The following COPB1 variants were observed in gnomAD, a reference collection of about 807,000 sequenced individuals.
COPB1 encodes coatomer subunit beta.
A neutral mutation model predicts 108.7 loss-of-function variants in COPB1; 21 were observed. The observed-to-expected ratio is 0.19, with a 90% CI of 0.14 to 0.28. The LOEUF is 0.28. Among genes scored for constraint, COPB1 ranks in the 10% least tolerant of loss-of-function variants. The probability of loss-of-function intolerance (pLI) is 1.00; values close to 1 mark genes in which losing one functional copy is unlikely to be tolerated. For synonymous variants in COPB1, 378 were observed against 386.8 expected, an observed-to-expected ratio of 0.98 and a Z score of 0.27; for missense variants, 919 against 1,141.3, an observed-to-expected ratio of 0.81 and a Z score of 2.81.
chr11:14,457,901 G>A lies in COPB1; in HGVS notation c.2803-18C>T. The A allele has an allele frequency of 1.4e-6, 2 of 1,469,432 alleles. No homozygotes were observed. The highest frequency in any genetic ancestry group is 9.3e-7 in the Non-Finnish European group (1 of 1,071,334). The allele number at this position is 1,469,432 out of a possible 1,614,324, so 91.0% of individuals were successfully genotyped here. ...GCCATTCCCTGTAAAGAAAAATTAA[G>A]ATATTTATAATTATTTAAACTATGT... On this transcript the variant is annotated intron_variant, in intron 21 of 21. Transcript: ENST00000439561.
At position 14,498,950 on chromosome 11, in the gene COPB1, C is replaced by CAGA; in HGVS notation, c.-23_-22insTCT. On this transcript the variant is annotated 5_prime_UTR_variant, in exon 2 of 22. Coordinates refer to ENST00000439561, the MANE Select transcript of COPB1 (RefSeq NM_001144061.2). The stretch of plus-strand genomic sequence containing the variant: ...TCATGGTTTCTGGTTATATTATAAC[C>CAGA]AATCCTTGACACAAGATTTAAGGAT... 1 of 1,565,856 alleles carries CAGA rather than the reference C, an allele frequency of 6.4e-7. No individual in the cohort carries two copies. Among genetic ancestry groups the CAGA allele is most frequent in the Non-Finnish European group, 8.7e-7 (1 of 1,152,414 alleles).
At chr11:14,472,408 G>A (rs1473770469) in intron 14 of COPB1, among the ~76,000 whole-genome samples, 1 of 152,186 alleles carries the variant, frequency 6.6e-6, no homozygotes. Context: ...AGGCTTTGTT[G>A]TTCCACTGAC....
At chr11:14,484,164 A>G (rs754197210) in intron 7 of COPB1, among the ~76,000 whole-genome samples, 5 of 152,242 alleles carry the variant, frequency 3.3e-5, no homozygotes, top group Non-Finnish European at 5.9e-5. Flanking sequence ...TATTCTTCAA[A>G]TGCGTCAAGG....
In COPB1 at chr11:14,494,266, T is replaced by C. The variant is rs1042714988; in HGVS notation, c.265A>G (p.Thr89Ala). Reference protein sequence around the residue: ...LVFWEIVPKTTPDGRLLHEMI... With the variant: ...LVFWEIVPKTAPDGRLLHEMI... Reference sequence around the variant, plus strand: ...TCATGTAAAAGTCTCCCATCTGGAGTTGTTTTAGGAACAATTTCCCAAAAT... The same window carrying C: ...TCATGTAAAAGTCTCCCATCTGGAGCTGTTTTAGGAACAATTTCCCAAAAT... The change falls in exon 3 of 22, where the codon ACT becomes GCT. Residue 89 changes from threonine (T) to alanine (A), a missense_variant. Coordinates refer to ENST00000439561, the MANE Select transcript of COPB1 (RefSeq NM_001144061.2). 1.2e-6 allele frequency: 2 copies of C among 1,613,680 alleles called. No individual in the cohort carries two copies. Among genetic ancestry groups the C allele is most frequent in the Non-Finnish European group, 1.7e-6 (2 of 1,179,850 alleles).
chr11:14,473,343 C>T (rs899607301), intron 14 of COPB1, among the ~76,000 whole-genome samples: 6 of 152,162 alleles, frequency 3.9e-5, no homozygotes, highest in East Asian at 1.9e-4. Flanking sequence ...CCTTTGCATG[C>T]ATAACTTGGC....
chr11:14,479,025 C>T (rs994516243), intron 11 of COPB1: 2 of 146,990 alleles, frequency 1.4e-5, no homozygotes, highest in South Asian at 4.4e-4. Flanking sequence ...GGAAGCAAAT[C>T]CTGCTCTGCT....
chr11:14,476,886 A>G (rs1357005900), intron 12 of COPB1, 33 bp downstream of exon 12: 2 of 1,364,562 alleles, frequency 1.5e-6, no homozygotes, highest in Admixed American at 1.7e-5. Flanking sequence ...AAAAATTACC[A>G]TATAAACTAA....
chr11:14,461,470 T>G (rs1565010627), intron 18 of COPB1, 139 bp from the exon 19 acceptor site: 5 of 761,824 alleles, frequency 6.6e-6, no homozygotes, highest in East Asian at 5.7e-5. Flanking sequence ...CAGAGCTCTA[T>G]TCTACATGCT....
Position 14,479,601 on chromosome 11 carries a change from C to T in COPB1, c.1326G>A (p.Met442Ile), listed in dbSNP as rs758953922. ...ATTTAATAGCATGAAAGACTTCAAGCATCTTCTCAACAATAAGCATTCTCA... is the reference window on the plus strand; with the variant it reads ...ATTTAATAGCATGAAAGACTTCAAGTATCTTCTCAACAATAAGCATTCTCA... ...DNLRMLIVEK[M>I]LEVFHAIKSV... Residue 442 changes from methionine (M) to isoleucine (I), a missense_variant, in exon 11 of 22, where the codon ATG becomes ATA. Met to Ile is a conservative substitution (Grantham distance 10, BLOSUM62 1). Around this residue, in one of 5 missense-constraint regions of COPB1, gnomAD observed 705 missense variants for 817.8 expected, o/e 0.86. Coordinates refer to ENST00000439561, the MANE Select transcript of COPB1 (RefSeq NM_001144061.2). The T allele has an allele frequency of 1.9e-6, 3 of 1,612,124 alleles. No individual in the cohort carries two copies. The highest frequency in any genetic ancestry group is 2.2e-5 in the South Asian group (2 of 90,756).
At chr11:14,492,779 T>C (rs1289305550) in intron 4 of COPB1, among the ~76,000 whole-genome samples, 1 of 152,240 alleles carries the variant, frequency 6.6e-6, no homozygotes, top group Non-Finnish European at 1.5e-5. Flanking sequence ...TAGTCCTTAA[T>C]AAATTGATAC....
At chr11:14,469,634 A>G in intron 14 of COPB1, 71 bp from the exon 15 acceptor site, 1 of 1,264,228 alleles carries the variant, frequency 7.9e-7, no homozygotes. Context: ...ACTTCATTAT[A>G]ACTCACAATC....
At chr11:14,485,268 C>T (rs1249667907) in intron 7 of COPB1, among the ~76,000 whole-genome samples, 2 of 152,100 alleles carry the variant, frequency 1.3e-5, no homozygotes, top group Non-Finnish European at 2.9e-5. Flanking sequence ...ACGATCATCC[C>T]ACCTTGGCCT....
intron 3 of COPB1, 110 bp downstream of exon 3, chr11:14,494,100 A>C: frequency 2.6e-6 from 2 of 770,898 alleles, no homozygotes; most frequent in Non-Finnish European, 4.1e-6. Flanking sequence ...AAATCTCTAC[A>C]ACTTACATCT....
At chr11:14,461,039 G>A (rs1238317003) in intron 19 of COPB1, 147 bp downstream of exon 19, 1 of 962,374 alleles carries the variant, frequency 1.0e-6, no homozygotes, top group Non-Finnish European at 1.6e-6. Context: ...TTTTAGTTAA[G>A]GCTAATTTGC....
At chr11:14,497,667 C>T (rs1013660025) in intron 2 of COPB1, among the ~76,000 whole-genome samples, 6 of 152,116 alleles carry the variant, frequency 3.9e-5, no homozygotes, top group African/African-American at 9.7e-5. Flanking sequence ...GGGTACCATA[C>T]GATTCAGCAA....
Position 14,475,829 on chromosome 11 carries a change from C to A in COPB1, c.1572G>T (p.Gln524His). The A allele has an allele frequency of 6.2e-7, 1 of 1,613,406 alleles. No homozygotes were observed. The highest frequency in any genetic ancestry group is 8.5e-7 in the Non-Finnish European group (1 of 1,179,734). The change falls in exon 13 of 22, where the codon CAG becomes CAT. Residue 524 changes from glutamine to histidine, a missense_variant. Gln to His is a conservative substitution (Grantham distance 24). Coordinates refer to ENST00000439561, the MANE Select transcript of COPB1 (RefSeq NM_001144061.2). The part of the protein sequence containing the change: ...LVTEMGTYAT[Q>H]SALSSSRPTK... ...TGGGTCTAGAACTGCTAAGGGCACT[C>A]TGAGTTGCATAGGTACCCATTTCAG...
intron 8 of COPB1, 60 bp from the exon 9 acceptor site, chr11:14,481,157 C>A (rs1850652248): frequency 1.6e-6 from 2 of 1,256,596 alleles, no homozygotes; most frequent in South Asian, 2.5e-5. Flanking sequence ...GGAAAAAAAT[C>A]TTCACTGCAG....
In COPB1 at chr11:14,498,946, T is replaced by C. The variant is rs756914503; in HGVS notation, c.-18A>G. ...GCCGTCATGGTTTCTGGTTATATTA[T>C]AACCAATCCTTGACACAAGATTTAA... On this transcript the variant is annotated 5_prime_UTR_variant, in exon 2 of 22. Coordinates refer to ENST00000439561, the MANE Select transcript of COPB1 (RefSeq NM_001144061.2). 3 of 1,587,986 alleles carry C rather than the reference T, an allele frequency of 1.9e-6. No homozygotes were observed. The highest frequency in any genetic ancestry group is 3.6e-5 in the Admixed American group (2 of 56,172).
chr11:14,469,332 T>C lies in COPB1; in HGVS notation c.1965+4A>G, dbSNP rs781534973. The C allele has an allele frequency of 2.5e-6, 4 of 1,611,178 alleles. No individual in the cohort carries two copies. The stretch of plus-strand genomic sequence containing the variant: ...CTTTTGTTGCCTCATCATATATACC[T>C]TACCTTTTGGGATAATTTCTCTTCT... On this transcript the variant is annotated splice_donor_region_variant and intron_variant, in intron 15 of 21. Coordinates refer to ENST00000439561, the MANE Select transcript of COPB1 (RefSeq NM_001144061.2).
Sources: allele counts gnomAD v4.1 joint callset (sites outside exome capture counted in the v4.1 genomes callset), GRCh38; gene constraint gnomAD v4.1.1; regional missense constraint gnomAD v4.1.1; transcripts MANE v1.5; gene names NCBI Gene and HGNC (gene_info 2026-07-23, HGNC 2026-07-21).